The following MAU2 variants were observed in gnomAD, a reference collection of about 807,000 sequenced individuals.
MAU2 encodes MAU2 sister chromatid cohesion factor, also known as MAU2 chromatid cohesion factor homolog.
Under a neutral mutation model 89.1 loss-of-function variants are expected in MAU2, and 9 were observed. The observed-to-expected ratio is 0.10, with a 90% confidence interval of 0.06 to 0.18. MAU2 has a LOEUF of 0.18. MAU2 is among the 10% of genes least tolerant of loss of function. MAU2 has a pLI of 1.00. For synonymous variants in MAU2, 357 were observed against 343.4 expected, an observed-to-expected ratio of 1.04 and a Z score of -0.44; for missense variants, 425 against 803.5, an observed-to-expected ratio of 0.53 and a Z score of 5.69.
intron 4 of MAU2, 74 bp from the exon 5 acceptor site, chr19:19,338,771 A>G (rs2146680566): frequency 1.7e-6 from 2 of 1,144,274 alleles, no homozygotes; most frequent in South Asian, 1.5e-5. Context: ...TGAGTTTGCT[A>G]ACAGAGCACG....
intron 1 of MAU2, chr19:19,329,150 C>T: frequency 2.2e-6 from 1 of 455,828 alleles, no homozygotes; most frequent in Non-Finnish European, 4.4e-6. Context: ...CTCTCCTCAT[C>T]AGGCCCAGCG....
chr19:19,341,224 C>A, intron 6 of MAU2, 28 bp from the exon 7 acceptor site: 1 of 1,603,618 alleles, frequency 6.2e-7, no homozygotes. Context: ...AAGCCCTGTA[C>A]CCTACACCTG....
chr19:19,333,351 T>G (rs1372512225), intron 1 of MAU2, among the ~76,000 whole-genome samples: 1 of 152,176 alleles, frequency 6.6e-6, no homozygotes, highest in Non-Finnish European at 1.5e-5. Flanking sequence ...CCAGACGTGG[T>G]GGTTCGCACC....
chr19:19,330,654 C>A (rs768953752), intron 1 of MAU2, among the ~76,000 whole-genome samples: 1 of 152,110 alleles, frequency 6.6e-6, no homozygotes, highest in African/African-American at 2.4e-5. Flanking sequence ...GCAGGAGAAT[C>A]GCTTGAACCC....
At chr19:19,335,338 C>T (rs1048959167) in intron 1 of MAU2, among the ~76,000 whole-genome samples, 1 of 152,212 alleles carries the variant, frequency 6.6e-6, no homozygotes, top group Admixed American at 6.6e-5. Context: ...CTCTGCCTGA[C>T]CTCTGACTGC....
chr19:19,338,832 C>T lies in MAU2; in HGVS notation c.457-13C>T. The stretch of plus-strand genomic sequence containing the variant: ...GTTTGGCAGCAAAGGTCACTGCTCT[C>T]TTTCCTTTTTAGCAACTGCACACGC... On this transcript the variant is annotated splice_polypyrimidine_tract_variant and intron_variant, in intron 4 of 18. Transcript: ENST00000262815. 1.2e-6 allele frequency: 2 copies of T among 1,606,352 alleles called. No individual in the cohort carries two copies. Among genetic ancestry groups the T allele is most frequent in the Non-Finnish European group, 8.5e-7 (1 of 1,175,126 alleles).
At chr19:19,343,694 G>A in intron 9 of MAU2, 143 bp from the exon 10 acceptor site, 2 of 667,728 alleles carry the variant, frequency 3.0e-6, no homozygotes, top group Non-Finnish European at 5.4e-6. Context: ...TCACTCAGAG[G>A]GTGCAGTGGG....
At chr19:19,338,983 A>T in intron 5 of MAU2, 44 bp downstream of exon 5, 1 of 1,506,328 alleles carries the variant, frequency 6.6e-7, no homozygotes, top group Non-Finnish European at 9.1e-7. Flanking sequence ...TGTTAACAGG[A>T]GGGGCTTGGC....
chr19:19,337,945 C>T (rs1023857876), intron 4 of MAU2, among the ~76,000 whole-genome samples: 1 of 152,240 alleles, frequency 6.6e-6, no homozygotes, highest in Non-Finnish European at 1.5e-5. Context: ...GGGCACCTCT[C>T]CTGTCCTGGG....
chr19:19,332,983 AGGAGAATCACTTGAACCTG>A (rs1177714523), intron 1 of MAU2, among the ~76,000 whole-genome samples: 1 of 152,096 alleles, frequency 6.6e-6, no homozygotes, highest in East Asian at 1.9e-4. Context: ...AGGCTGAGGC[AGGAGAATCACTTGAACCTG>A]GGAAGCGGAG....
intron 1 of MAU2, among the ~76,000 whole-genome samples, chr19:19,327,255 G>T (rs1319425883): frequency 6.6e-6 from 1 of 151,704 alleles, no homozygotes; most frequent in East Asian, 1.9e-4. Context: ...CCAAGCAGCT[G>T]GGATTACAGG....
chr19:19,323,882 A>G (rs987416327), intron 1 of MAU2, among the ~76,000 whole-genome samples: 2 of 152,230 alleles, frequency 1.3e-5, no homozygotes, highest in African/African-American at 2.4e-5. Context: ...AGGCTGCACA[A>G]CAAGTTATTG....
chr19:19,353,856 C>A (rs570293829), intron 16 of MAU2: 1 of 177,104 alleles, frequency 5.6e-6, no homozygotes, highest in African/African-American at 2.3e-5. Flanking sequence ...TGTGCAGTCA[C>A]AAAGCAGGGA....
At chr19:19,352,216 T>C (rs2061751148) in intron 16 of MAU2, 1 of 152,042 alleles carries the variant, frequency 6.6e-6, no homozygotes, top group Non-Finnish European at 1.5e-5. Flanking sequence ...ATGAGTGTTT[T>C]GAAGCCACAT....
chr19:19,347,083 C>T (rs567603162), intron 12 of MAU2, 197 bp from the exon 13 acceptor site: 8 of 559,170 alleles, frequency 1.4e-5, no homozygotes, highest in Middle Eastern at 4.8e-4. Context: ...TGCCCCGTAA[C>T]GCAGATGATG....
chr19:19,336,410 C>A (rs1467739351), intron 3 of MAU2, among the ~76,000 whole-genome samples: 1 of 152,092 alleles, frequency 6.6e-6, no homozygotes, highest in East Asian at 1.9e-4. Context: ...AGTGATCCTC[C>A]CACCTCAGCC....
At chr19:19,353,888 C>G in intron 16 of MAU2, 1 of 184,788 alleles carries the variant, frequency 5.4e-6, no homozygotes, top group Admixed American at 5.3e-5. Flanking sequence ...AGGATTCTTA[C>G]ATGCTGGTGC....
intron 1 of MAU2, among the ~76,000 whole-genome samples, chr19:19,329,674 A>T (rs961858666): frequency 1.3e-4 from 20 of 149,124 alleles, no homozygotes; most frequent in African/African-American, 4.4e-4. Flanking sequence ...AGGGTAGTTT[A>T]AAAAAAAAAT....
intron 1 of MAU2, among the ~76,000 whole-genome samples, chr19:19,327,255 G>A (rs1319425883): frequency 2.6e-5 from 4 of 151,586 alleles, no homozygotes; most frequent in Non-Finnish European, 5.9e-5. Flanking sequence ...CCAAGCAGCT[G>A]GGATTACAGG....
Sources: gnomAD v4.1 joint callset for allele counts (sites outside exome capture counted in the v4.1 genomes callset) on GRCh38, gnomAD v4.1.1 for gene constraint, MANE v1.5 for transcripts, NCBI Gene and HGNC (gene_info 2026-07-23, HGNC 2026-07-21) for gene names.